BRAF: variants seen among roughly 807,000 people sequenced by gnomAD.
The protein encoded by BRAF is B-Raf proto-oncogene, serine/threonine kinase.
In BRAF, 16 loss-of-function variants were observed where a neutral mutation model predicts 104.6. That is an observed-to-expected ratio of 0.15 (90% CI 0.10 to 0.23). BRAF has a LOEUF of 0.23. Among genes scored for constraint, BRAF ranks in the 10% least tolerant of loss-of-function variants. The probability of loss-of-function intolerance (pLI) is 1.00; values close to 1 mark genes in which losing one functional copy is unlikely to be tolerated. For synonymous variants in BRAF, 310 were observed against 341.6 expected (o/e 0.91, Z 1.02); for missense variants, 541 against 937.3 (o/e 0.58, Z 5.52).
chr7:140,848,819 G>T (rs1586394659), intron 2 of BRAF, among the ~76,000 whole-genome samples: 1 of 152,190 alleles, frequency 6.6e-6, no homozygotes, highest in African/African-American at 2.4e-5. Flanking sequence ...ATATTAACTA[G>T]GAGTGTGATC....
intron 14 of BRAF, among the ~76,000 whole-genome samples, chr7:140,776,697 T>C (rs1308540930): frequency 6.6e-6 from 1 of 152,232 alleles, no homozygotes; most frequent in Non-Finnish European, 1.5e-5. Flanking sequence ...CAGTCATGTA[T>C]TTATTATCAA....
intron 3 of BRAF, among the ~76,000 whole-genome samples, chr7:140,833,253 G>C (rs1806977970): frequency 6.6e-6 from 1 of 152,132 alleles, no homozygotes; most frequent in Non-Finnish European, 1.5e-5. Flanking sequence ...TTTTACATTT[G>C]TATACAGAAA....
intron 18 of BRAF, among the ~76,000 whole-genome samples, chr7:140,736,642 G>T (rs2130882140): frequency 6.6e-6 from 1 of 151,482 alleles, no homozygotes; most frequent in Non-Finnish European, 1.5e-5. Context: ...GGTCAGGCTG[G>T]TTTCGAACTC....
intron 2 of BRAF, chr7:140,836,309 G>A (rs1442311804): frequency 6.6e-6 from 1 of 152,026 alleles, no homozygotes; most frequent in Non-Finnish European, 1.5e-5. Flanking sequence ...AAACAATAAG[G>A]CTGAAAAGGT....
At chr7:140,922,746 A>T (rs1464146623) in intron 1 of BRAF, among the ~76,000 whole-genome samples, 2 of 152,238 alleles carry the variant, frequency 1.3e-5, no homozygotes, top group East Asian at 3.8e-4. Flanking sequence ...AAAACAATGT[A>T]TCCTAAAAAT....
At chr7:140,820,897 C>A (rs1805404273) in intron 3 of BRAF, among the ~76,000 whole-genome samples, 1 of 152,170 alleles carries the variant, frequency 6.6e-6, no homozygotes, top group Non-Finnish European at 1.5e-5. Flanking sequence ...TATACCACTG[C>A]ACTCCATTCT....
Position 140,867,528 on chromosome 7 carries a change from T to TAA in BRAF, c.139-17318_139-17317dup, listed in dbSNP as rs59966444. The stretch of plus-strand genomic sequence containing the variant: ...ATTCTAGTTAAGGGAAGATAAACGC[T>TAA]AAAAAAAAAAACAGACAATGTCAGA... On this transcript the variant is annotated intron_variant, in intron 1 of 19. Transcript: ENST00000644969. Among the ~76,000 whole-genome samples the TAA allele has an allele frequency of 1.7e-3, 244 of 143,516 alleles. 2 individuals are homozygous for TAA. The highest frequency in any genetic ancestry group is 5.9e-3 in the African/African-American group (236 of 39,844). The allele number at this position is 143,516 out of a possible 152,430, so 94.2% of individuals were successfully genotyped here.
the BRAF span, among the ~76,000 whole-genome samples, chr7:140,713,829 C>T: frequency 2.0e-5 from 3 of 152,202 alleles, no homozygotes; most frequent in African/African-American, 4.8e-5. Context: ...TTCTAACAGA[C>T]AGGACCATCA....
rs1481199051 is a variant in BRAF, at chr7:140,721,636, A to G, written c.*4858T>C. The G allele has an allele frequency of 2.6e-6, 4 of 1,535,874 alleles. No homozygotes were observed. The South Asian group carries it at 4.8e-5, about 18-fold the overall frequency. On this transcript the variant is annotated 3_prime_UTR_variant, in exon 20 of 20. Coordinates refer to ENST00000644969, the MANE Select transcript of BRAF (RefSeq NM_001374258.1). ...AATCATCACCTGAGGCAGAGATGCT[A>G]CTACCCTCTTCTGGGGCTCAACTAC...
chr7:140,788,932 C>T (rs991915527), intron 8 of BRAF, among the ~76,000 whole-genome samples: 1 of 150,976 alleles, frequency 6.6e-6, no homozygotes, highest in African/African-American at 2.4e-5. Flanking sequence ...CTTTATGCGC[C>T]GGGTGCGGTG....
intron 2 of BRAF, among the ~76,000 whole-genome samples, chr7:140,841,596 A>T (rs1288571189): frequency 6.6e-6 from 1 of 152,214 alleles, no homozygotes; most frequent in African/African-American, 2.4e-5. Flanking sequence ...CTACATAAAC[A>T]AACTTTGGAA....
rs1796761229 is a variant in BRAF at position 140,739,826 on chromosome 7, G to T, written c.2233C>A (p.Pro745Thr). 1 of 1,611,334 alleles carries T rather than the reference G, an allele frequency of 6.2e-7. No homozygotes were observed. Among genetic ancestry groups the T allele is most frequent in the Non-Finnish European group, 8.5e-7 (1 of 1,179,642 alleles). The change falls in exon 18 of 20, where the codon CCA (proline) becomes ACA (threonine). Residue 745 changes from proline to threonine, a missense_variant. By Grantham distance (38) the Pro-to-Thr change is conservative (BLOSUM62 -1). Transcript: ENST00000644969. ...ECLKKKRDERPLFPQILASIE... is the reference protein window; with the variant it reads ...ECLKKKRDERTLFPQILASIE... ...CTTTTACTTACTTGGGGAAAGAGTG[G>T]TCTCTCATCTCTTTTCTTTTTGAGG...
intron 5 of BRAF, among the ~76,000 whole-genome samples, chr7:140,802,915 A>AATTT (rs1803280483): frequency 6.6e-6 from 1 of 152,000 alleles, no homozygotes; most frequent in Non-Finnish European, 1.5e-5. Flanking sequence ...CTCACCACTC[A>AATTT]CTCACCAGAG....
At chr7:140,785,951 A>C in intron 9 of BRAF, 1 of 394,366 alleles carries the variant, frequency 2.5e-6, no homozygotes. Context: ...TTATTTTCAT[A>C]AAATCCCAAT....
rs11445161 is a variant in BRAF, at chr7:140,815,432, AT to A, written c.505-6438del. Among the ~76,000 whole-genome samples the A allele has an allele frequency of 6.0e-3, 673 of 111,862 alleles. 3 individuals are homozygous for A. Among genetic ancestry groups the A allele is most frequent in the African/African-American group, 0.016 (399 of 25,460 alleles). The allele number at this position is 111,862 out of a possible 152,430, so 73.4% of individuals were successfully genotyped here. A position where few individuals can be genotyped will look rare whatever the true frequency, so the allele number is the denominator to read the frequency against. On this transcript the variant is annotated intron_variant, in intron 3 of 19. Transcript: ENST00000644969. ...AGTGCTAGGATTACAGGTGTGAGCC[AT>A]TTTTTTTTTTTTTTTTTTTTGAGAC... is the stretch of plus-strand genomic sequence containing the variant.
chr7:140,746,693 G>C (rs968047527), intron 17 of BRAF, among the ~76,000 whole-genome samples: 10 of 151,914 alleles, frequency 6.6e-5, no homozygotes, highest in Non-Finnish European at 1.3e-4. Context: ...TTAGCTGGGT[G>C]TAGTGCTGCG....
chr7:140,775,254 C>T (rs532570152), intron 14 of BRAF, among the ~76,000 whole-genome samples: 8 of 152,136 alleles, frequency 5.3e-5, no homozygotes, highest in African/African-American at 1.7e-4. Flanking sequence ...GAAGAAATTG[C>T]AAAGAGACCA....
intron 10 of BRAF, among the ~76,000 whole-genome samples, chr7:140,784,106 TAC>T (rs1318333577): frequency 3.9e-5 from 6 of 152,020 alleles, no homozygotes; most frequent in Non-Finnish European, 8.8e-5. Context: ...TAGTTCTATA[TAC>T]AGAACAACAA....
chr7:140,897,339 A>T (rs1815049814), intron 1 of BRAF, among the ~76,000 whole-genome samples: 1 of 152,164 alleles, frequency 6.6e-6, no homozygotes, highest in African/African-American at 2.4e-5. Flanking sequence ...CATATGTACA[A>T]ATGGTGTTGG....
Sources: gnomAD v4.1 joint callset for allele counts (sites outside exome capture counted in the v4.1 genomes callset) on GRCh38, gnomAD v4.1.1 for gene constraint, MANE v1.5 for transcripts, NCBI Gene and HGNC (gene_info 2026-07-23, HGNC 2026-07-21) for gene names.